ZNF76: variants seen among roughly 807,000 people sequenced by gnomAD.
ZNF76 encodes the protein zinc finger protein 76.
Under a neutral mutation model 66.9 loss-of-function variants are expected in ZNF76, and 66 were observed. That is an observed-to-expected ratio of 0.99 (90% CI 0.81 to 1.21). The LOEUF is 1.21. Among genes scored for constraint, ZNF76 ranks in the 50% most tolerant of loss-of-function variants. The pLI is 0.00. For missense variants in ZNF76, 729 were observed against 760.3 expected, an observed-to-expected ratio of 0.96 and a Z score of 0.48; for synonymous variants, 275 against 296.1, an observed-to-expected ratio of 0.93 and a Z score of 0.73.
intron 1 of ZNF76, among the ~76,000 whole-genome samples, chr6:35,263,328 G>C (rs116215970): frequency 1.9e-3 from 282 of 152,330 alleles, no homozygotes; most frequent in African/African-American, 6.4e-3. Flanking sequence ...GCTGCTTGCT[G>C]TATATGCCCT....
intron 2 of ZNF76, among the ~76,000 whole-genome samples, chr6:35,285,320 A>G (rs1200054143): frequency 6.6e-6 from 1 of 152,252 alleles, no homozygotes; most frequent in Non-Finnish European, 1.5e-5. Context: ...ATGGACACAT[A>G]ATAGCATAAT....
chr6:35,283,732 T>C (rs1789121417), intron 2 of ZNF76, among the ~76,000 whole-genome samples: 1 of 152,216 alleles, frequency 6.6e-6, no homozygotes, highest in African/African-American at 2.4e-5. Context: ...TTGCTGATGC[T>C]TTCAGAACCC....
intron 1 of ZNF76, among the ~76,000 whole-genome samples, chr6:35,275,435 C>G (rs1053339170): frequency 3.9e-5 from 6 of 152,162 alleles, no homozygotes; most frequent in Non-Finnish European, 8.8e-5. Flanking sequence ...CACACATAGC[C>G]ATCCTGAAGC....
At position 35,274,625 on chromosome 6, in the gene ZNF76, TA is replaced by T. The variant is rs1787613209; in HGVS notation, c.-96-6429del. On this transcript the variant is annotated intron_variant, in intron 1 of 13. Coordinates refer to ENST00000373953, the MANE Select transcript of ZNF76 (RefSeq NM_003427.5). ...CTATAGTCCCAGCCACTCAGGAGGC[TA>T]AGGCAAGAGGATCGCTTGAGCCCAG... 1.3e-5 allele frequency among the ~76,000 whole-genome samples: 2 copies of T among 152,172 alleles called. 1 individual carries two copies. The highest frequency in any genetic ancestry group is 4.1e-4 in the South Asian group (2 of 4,828).
At chr6:35,288,166 T>C (rs781118250) in intron 5 of ZNF76, 28 of 550,896 alleles carry the variant, frequency 5.1e-5, no homozygotes, top group Non-Finnish European at 7.6e-5. Context: ...TAGGCCCAGC[T>C]TCACTTTGGC....
intron 7 of ZNF76, chr6:35,291,032 T>C: frequency 1.7e-6 from 1 of 600,222 alleles, no homozygotes; most frequent in Non-Finnish European, 2.9e-6. Flanking sequence ...GTGAAACTAG[T>C]ACCTTTAGCC....
At chr6:35,275,160 A>G (rs1787693964) in intron 1 of ZNF76, among the ~76,000 whole-genome samples, 1 of 152,094 alleles carries the variant, frequency 6.6e-6, no homozygotes, top group Admixed American at 6.6e-5. Context: ...ATCTCAAAAA[A>G]AAAAAGAAAA....
intron 11 of ZNF76, 81 bp from the exon 12 acceptor site, chr6:35,293,670 G>A: frequency 6.7e-7 from 1 of 1,490,344 alleles, no homozygotes; most frequent in Non-Finnish European, 9.2e-7. Flanking sequence ...CCTTGTCTGG[G>A]AGAGCAGGTA....
chr6:35,274,836 G>A (rs1470040334), intron 1 of ZNF76, among the ~76,000 whole-genome samples: 1 of 152,164 alleles, frequency 6.6e-6, no homozygotes, highest in Non-Finnish European at 1.5e-5. Context: ...CCTGCATCAG[G>A]ACCAGTAATG....
intron 9 of ZNF76, 166 bp downstream of exon 9, chr6:35,291,903 T>C: frequency 1.4e-6 from 1 of 733,404 alleles, no homozygotes; most frequent in Non-Finnish European, 2.2e-6. Context: ...CTGCTTGCAG[T>C]GAGTAATTCC....
At chr6:35,272,511 G>GTATGTA (rs893765866) in intron 1 of ZNF76, among the ~76,000 whole-genome samples, 3 of 123,934 alleles carry the variant, frequency 2.4e-5, no homozygotes, top group African/African-American at 8.6e-5. Context: ...GTGTGTGTGT[G>GTATGTA]TATGTATATG....
intron 1 of ZNF76, among the ~76,000 whole-genome samples, chr6:35,265,891 A>G (rs906670605): frequency 2.6e-5 from 4 of 152,204 alleles, no homozygotes; most frequent in Non-Finnish European, 5.9e-5. Flanking sequence ...TTCTAGGCAG[A>G]TAAATAACAT....
intron 5 of ZNF76, 52 bp from the exon 6 acceptor site, chr6:35,290,214 A>T (rs1185282798): frequency 6.2e-7 from 1 of 1,604,744 alleles, no homozygotes. Flanking sequence ...CCTGTGTCCC[A>T]CCTTCTTCAC....
chr6:35,262,999 T>C (rs931028320), intron 1 of ZNF76, among the ~76,000 whole-genome samples: 1 of 152,172 alleles, frequency 6.6e-6, no homozygotes, highest in Non-Finnish European at 1.5e-5. Flanking sequence ...TTGATTACAA[T>C]ATAAATCTCC....
intron 11 of ZNF76, 129 bp from the exon 12 acceptor site, chr6:35,293,622 A>C: frequency 8.7e-7 from 1 of 1,146,304 alleles, no homozygotes; most frequent in South Asian, 1.5e-5. Context: ...CCTGTCACCC[A>C]TCCCTTCCAC....
At position 35,281,292 on chromosome 6, in the gene ZNF76, T is replaced by C. The variant is rs576747479; in HGVS notation, c.73+68T>C. 25 of 1,489,432 alleles carry C rather than the reference T, an allele frequency of 1.7e-5. No homozygotes were observed. The Admixed American group carries it at 2.3e-4, about 14-fold the overall frequency. The allele number at this position is 1,489,432 out of a possible 1,614,324, so 92.3% of individuals were successfully genotyped here. ...GCCTCTGGAAAGGAGTGTCCATTTC[T>C]AAGAGTCCCACCATCACCTTGCCCT... On this transcript the variant is annotated intron_variant, in intron 2 of 13. Transcript: ENST00000373953.
chr6:35,291,153 T>C, intron 7 of ZNF76, 125 bp from the exon 8 acceptor site: 4 of 1,306,894 alleles, frequency 3.1e-6, no homozygotes, highest in Non-Finnish European at 4.2e-6. Flanking sequence ...AGGGCAGGGG[T>C]GGGATAGAGG....
Position 35,292,268 on chromosome 6 carries a change from A to C in ZNF76, c.932-286A>C. 1 of 503,398 alleles carries C rather than the reference A, an allele frequency of 2.0e-6. No individual in the cohort carries two copies. Among genetic ancestry groups the C allele is most frequent in the Non-Finnish European group, 3.6e-6 (1 of 274,548 alleles). 31.2% of individuals were successfully genotyped at this position (503,398 alleles called of 1,614,324 possible). The stretch of plus-strand genomic sequence containing the variant: ...TCACCATTCTCAACCTCCCACCCTC[A>C]ACCTTATAAGCCCCAGTGCCCCCTA... On this transcript the variant is annotated intron_variant, in intron 9 of 13. Coordinates refer to ENST00000373953, the MANE Select transcript of ZNF76 (RefSeq NM_003427.5). The surrounding 1 kb of genome is among the most constrained non-coding windows in gnomAD (Gnocchi z 4.7).
chr6:35,295,109 A>G, intron 13 of ZNF76, 35 bp from the exon 14 acceptor site: 1 of 1,538,790 alleles, frequency 6.5e-7, no homozygotes, highest in Non-Finnish European at 8.9e-7. Flanking sequence ...GGAGGGTCTC[A>G]CTGTCTCCTT....
Sources: gnomAD v4.1 joint callset for allele counts (sites outside exome capture counted in the v4.1 genomes callset) on GRCh38, gnomAD v4.1.1 for gene constraint, Gnocchi (gnomAD v3.1) non-coding constraint, MANE v1.5 for transcripts, NCBI Gene and HGNC (gene_info 2026-07-23, HGNC 2026-07-21) for gene names.